Variants in SCP2 observed in about 807,000 individuals in gnomAD.
SCP2 encodes the protein sterol carrier protein 2, also known as SCP-2/3-oxoacyl-CoA thiolase.
In SCP2, 48 loss-of-function variants were observed where a neutral mutation model predicts 71.4. The ratio of observed to expected loss-of-function variants is 0.67; its 90% CI spans 0.53 to 0.86. The LOEUF is 0.86. Among genes scored for constraint, SCP2 ranks in the 40% least tolerant of loss-of-function variants. The pLI is 0.00. For missense variants in SCP2, 560 were observed against 655.6 expected (o/e 0.85, Z 1.59); for synonymous variants, 220 against 218.1 (o/e 1.01, Z -0.08).
At chr1:52,934,908 G>T (rs980264027) in intron 1 of SCP2, 2 of 148,886 alleles carry the variant, frequency 1.3e-5, no homozygotes, top group Admixed American at 6.6e-5. Flanking sequence ...CTCGTGATCC[G>T]CCCGTCTCGG....
chr1:53,042,929 C>T (rs1277840412), intron 14 of SCP2, among the ~76,000 whole-genome samples: 3 of 152,118 alleles, frequency 2.0e-5, no homozygotes, highest in Non-Finnish European at 4.4e-5. Context: ...TTCTGCCTTT[C>T]CCTCATCTCC....
rs77277296 is a variant in SCP2 at position 53,005,486 on chromosome 1, C to T, written c.1082-9404C>T. 1.5e-3 allele frequency among the ~76,000 whole-genome samples: 232 copies of T among 152,264 alleles called. 1 individual carries two copies. The highest frequency in any genetic ancestry group is 7.8e-4 in the Non-Finnish European group (53 of 68,012). ...GCAATATTTGGTGTTCTGCAGTCTCCGCTGGTGATACCCAGGCAAACAGGG... is the reference window on the plus strand; with the variant it reads ...GCAATATTTGGTGTTCTGCAGTCTCTGCTGGTGATACCCAGGCAAACAGGG... On this transcript the variant is annotated intron_variant, in intron 11 of 15. Transcript: ENST00000371514.
rs187540138 is a variant in SCP2, at chr1:52,982,444, C to A, written c.973+1901C>A. Reference sequence around the variant, plus strand: ...AATTAGCCGGGCATGGTGTTGGGCACCTGTAGTCCCAACTACTTGGGAGGC... The same window carrying A: ...AATTAGCCGGGCATGGTGTTGGGCAACTGTAGTCCCAACTACTTGGGAGGC... On this transcript the variant is annotated intron_variant, in intron 10 of 15. Coordinates refer to ENST00000371514, the MANE Select transcript of SCP2 (RefSeq NM_002979.5). 2.0e-5 allele frequency among the ~76,000 whole-genome samples: 3 copies of A among 152,204 alleles called. No individual in the cohort carries two copies. The East Asian group carries it at 5.8e-4, about 29-fold the overall frequency.
chr1:53,022,319 A>G (rs1399909131), intron 12 of SCP2, among the ~76,000 whole-genome samples: 2 of 152,148 alleles, frequency 1.3e-5, no homozygotes, highest in Non-Finnish European at 2.9e-5. Flanking sequence ...ATTCCTTTAT[A>G]TGGCTGAAGG....
At chr1:53,003,623 G>C (rs1339741223) in intron 11 of SCP2, among the ~76,000 whole-genome samples, 1 of 152,122 alleles carries the variant, frequency 6.6e-6, no homozygotes, top group Non-Finnish European at 1.5e-5. Flanking sequence ...GGGCTCAAGT[G>C]ATCCTCCCGC....
intron 2 of SCP2, among the ~76,000 whole-genome samples, chr1:52,943,116 T>G (rs1227293700): frequency 1.3e-5 from 2 of 152,184 alleles, no homozygotes; most frequent in Non-Finnish European, 2.9e-5. Context: ...AATCATATGC[T>G]TAGGTGCCCT....
At position 52,927,303 on chromosome 1, in the gene SCP2, TG is replaced by T; in HGVS notation, c.-92del. 1 of 1,006,040 alleles carries T rather than the reference TG, an allele frequency of 9.9e-7. No individual in the cohort carries two copies. Among genetic ancestry groups the T allele is most frequent in the Non-Finnish European group, 1.4e-6 (1 of 698,212 alleles). The allele number at this position is 1,006,040 out of a possible 1,614,324, so 62.3% of individuals were successfully genotyped here. ...GCGCCTGTGTTGCCGCCCGCGGCCCTGGCTTCGGGCTTCAGGGAGCTCTGGT... is the reference window on the plus strand; with the variant it reads ...GCGCCTGTGTTGCCGCCCGCGGCCCTGCTTCGGGCTTCAGGGAGCTCTGGT... On this transcript the variant is annotated 5_prime_UTR_variant, in exon 1 of 16. Transcript: ENST00000371514.
chr1:52,960,564 A>G (rs1368562591), intron 5 of SCP2, among the ~76,000 whole-genome samples: 1 of 144,824 alleles, frequency 6.9e-6, no homozygotes, highest in Non-Finnish European at 1.5e-5. Flanking sequence ...GTATATATGT[A>G]TGTATATATA....
intron 10 of SCP2, among the ~76,000 whole-genome samples, chr1:52,987,006 A>ATATTTTTTTTT (rs1386745740): frequency 9.0e-6 from 1 of 110,506 alleles, no homozygotes; most frequent in African/African-American, 4.0e-5. Flanking sequence ...ATATATATAT[A>ATATTTTTTTTT]TTTTTTTTTT....
intron 15 of SCP2, 137 bp downstream of exon 15, chr1:53,048,074 C>A: frequency 1.4e-6 from 1 of 699,288 alleles, no homozygotes; most frequent in Non-Finnish European, 2.6e-6. Context: ...TGACAGACGT[C>A]TGTGGAGCAA....
chr1:53,026,019 C>T (rs1662106376), intron 12 of SCP2, among the ~76,000 whole-genome samples: 1 of 152,200 alleles, frequency 6.6e-6, no homozygotes, highest in Non-Finnish European at 1.5e-5. Context: ...GCAGTTTCCT[C>T]TTTGAATGGC....
intron 8 of SCP2, among the ~76,000 whole-genome samples, chr1:52,977,780 G>C (rs1658112612): frequency 6.6e-6 from 1 of 152,138 alleles, no homozygotes; most frequent in Non-Finnish European, 1.5e-5. Context: ...GACCAACATG[G>C]AGAAACTCCG....
intron 12 of SCP2, among the ~76,000 whole-genome samples, chr1:53,025,713 C>T (rs1017177131): frequency 7.2e-5 from 11 of 152,234 alleles, no homozygotes; most frequent in Non-Finnish European, 1.5e-5. Context: ...ACCATCACCT[C>T]CTATCTGGAT....
rs780263732 is a variant in SCP2 at position 53,028,070 on chromosome 1, A to C, written c.1337A>C (p.Glu446Ala). The C allele has an allele frequency of 6.4e-7, 1 of 1,553,292 alleles. No homozygotes were observed. ...VFKEIEKKLE[E>A]EGEQFVKKIG... ...AAGGAGATTGAGAAGAAACTTGAAG[A>C]GGTAAGATTTATGTAAAATATTGCC... is the stretch of plus-strand genomic sequence containing the variant. Residue 446 changes from glutamate (E) to alanine (A), a missense_variant and splice_region_variant, in exon 13 of 16, where the codon GAG (glutamate) becomes GCG (alanine). Glu to Ala is a moderately radical substitution (Grantham distance 107). Around this residue, in one of 3 missense-constraint regions of SCP2, gnomAD observed 513 missense variants for 573.1 expected, o/e 0.90. Coordinates refer to ENST00000371514, the MANE Select transcript of SCP2 (RefSeq NM_002979.5).
chr1:52,995,916 A>G, intron 11 of SCP2: 1 of 1,488,900 alleles, frequency 6.7e-7, no homozygotes, highest in Non-Finnish European at 8.9e-7. Flanking sequence ...ACGAGAGTTC[A>G]ACAAGGCTGA....
intron 13 of SCP2, among the ~76,000 whole-genome samples, chr1:53,037,307 G>C (rs951657935): frequency 1.3e-5 from 2 of 151,886 alleles, no homozygotes; most frequent in African/African-American, 4.8e-5. Flanking sequence ...TGAGTTTGTT[G>C]TCCTCCTTTT....
intron 12 of SCP2, among the ~76,000 whole-genome samples, chr1:53,026,965 T>C (rs6689450): frequency 6.8e-6 from 1 of 146,736 alleles, no homozygotes; most frequent in Admixed American, 6.9e-5. Flanking sequence ...TTTTGACAGG[T>C]TCTCACTCTG....
intron 10 of SCP2, among the ~76,000 whole-genome samples, chr1:52,982,216 C>G (rs896842935): frequency 2.6e-5 from 4 of 152,098 alleles, no homozygotes; most frequent in Non-Finnish European, 4.4e-5. Context: ...CACCACCCCC[C>G]ACAGTTGTAA....
chr1:53,038,802 G>C, intron 13 of SCP2, 115 bp from the exon 14 acceptor site: 1 of 1,309,912 alleles, frequency 7.6e-7, no homozygotes, highest in Non-Finnish European at 1.1e-6. Flanking sequence ...GGGACCTTGG[G>C]GACCGCTCCC....
Sources: allele counts gnomAD v4.1 joint callset (sites outside exome capture counted in the v4.1 genomes callset), GRCh38; gene constraint gnomAD v4.1.1; regional missense constraint gnomAD v4.1.1; transcripts MANE v1.5; gene names NCBI Gene and HGNC (gene_info 2026-07-23, HGNC 2026-07-21).